IARS2: variants seen among roughly 807,000 people sequenced by gnomAD.
IARS2 encodes isoleucyl-tRNA synthetase 2, mitochondrial, also known as isoleucine--tRNA ligase, mitochondrial.
IARS2 carries 56 observed loss-of-function variants against 126.3 expected under a neutral mutation model. The observed-to-expected ratio is 0.44, with a 90% CI of 0.36 to 0.55. The LOEUF (loss-of-function observed/expected upper bound fraction) is 0.55. IARS2 is among the 20% of genes least tolerant of loss of function. The pLI, the probability that IARS2 is intolerant of heterozygous loss-of-function variation, is 0.00. For missense variants in IARS2, 1,127 were observed against 1,245.9 expected (o/e 0.90, Z 1.44); for synonymous variants, 407 against 441.1 (o/e 0.92, Z 0.97).
chr1:220,103,190 A>G (rs971973217), intron 7 of IARS2, among the ~76,000 whole-genome samples: 18 of 152,112 alleles, frequency 1.2e-4, no homozygotes, highest in African/African-American at 4.3e-4. Flanking sequence ...ATGGGATTAC[A>G]GGCATGCGCC....
intron 10 of IARS2, among the ~76,000 whole-genome samples, chr1:220,109,399 CA>C (rs1181239421): frequency 0.19 from 21,156 of 113,094 alleles, 1,734 homozygotes; most frequent in Admixed American, 0.28. Flanking sequence ...GAGTCCATCT[CA>C]AAAAAAAAAA....
rs1184799314 is a variant in IARS2, at chr1:220,099,211, CA to C, written c.391-1259del. Among the ~76,000 whole-genome samples the C allele has an allele frequency of 9.3e-3, 456 of 49,254 alleles. 2 individuals are homozygous for C. The highest frequency in any genetic ancestry group is 0.07 in the East Asian group (138 of 1,970). 32.3% of individuals were successfully genotyped at this position (49,254 alleles called of 152,430 possible). A position where few individuals can be genotyped will look rare whatever the true frequency, so the allele number is the denominator to read the frequency against. ...TGGGCGACAGAGCGAGACTCCGTCT[CA>C]AAAAAAAAAAAAAAAAAAAGAAATA... On this transcript the variant is annotated intron_variant, in intron 2 of 22. Coordinates refer to ENST00000366922, the MANE Select transcript of IARS2 (RefSeq NM_018060.4).
intron 11 of IARS2, among the ~76,000 whole-genome samples, chr1:220,112,026 AGAATAG>A (rs1179420568): frequency 6.6e-6 from 1 of 151,850 alleles, no homozygotes; most frequent in Non-Finnish European, 1.5e-5. Flanking sequence ...AGAAGTAGTG[AGAATAG>A]GATAATGTAT....
chr1:220,122,181 T>C (rs748196152), intron 12 of IARS2, among the ~76,000 whole-genome samples: 8 of 152,224 alleles, frequency 5.3e-5, no homozygotes, highest in Non-Finnish European at 7.3e-5. Context: ...TAGGACTTTT[T>C]CTTTTAAGAA....
In IARS2 at chr1:220,110,865, C is replaced by T; in HGVS notation, c.1407C>T (p.Thr469=). 6.2e-7 allele frequency: 1 copy of T among 1,613,740 alleles called. No homozygotes were observed. The highest frequency in any genetic ancestry group is 8.5e-7 in the Non-Finnish European group (1 of 1,179,872). The change falls in exon 11 of 23, where the codon ACC becomes ACT. Residue 469 remains threonine, a synonymous_variant. Transcript: ENST00000366922. The part of the protein sequence containing the change: ...LVHSYPYDWR[T]KKPVVIRASK... The stretch of plus-strand genomic sequence containing the variant: ...ATAGCTATCCGTATGACTGGAGGAC[C>T]AAGAAACCTGTGGTTATTCGTGCCA...
intron 11 of IARS2, among the ~76,000 whole-genome samples, chr1:220,111,650 A>G (rs1442099363): frequency 1.3e-5 from 2 of 149,314 alleles, no homozygotes; most frequent in East Asian, 2.0e-4. Flanking sequence ...ACTTGATTCT[A>G]TTTAATGAAA....
intron 2 of IARS2, among the ~76,000 whole-genome samples, 177 bp from the exon 3 acceptor site, chr1:220,100,313 A>G (rs978824571): frequency 6.6e-6 from 1 of 152,186 alleles, no homozygotes; most frequent in Admixed American, 6.5e-5. Flanking sequence ...GAGTTAATTT[A>G]TACGTTTCCT....
At chr1:220,124,442 T>G (rs566327025) in intron 12 of IARS2, among the ~76,000 whole-genome samples, 3 of 152,310 alleles carry the variant, frequency 2.0e-5, no homozygotes, top group African/African-American at 7.2e-5. Flanking sequence ...ACTACAATGT[T>G]AAGTTTCACC....
chr1:220,121,942 A>AAAGC (rs1333742616), intron 12 of IARS2, among the ~76,000 whole-genome samples: 1 of 152,108 alleles, frequency 6.6e-6, no homozygotes, highest in African/African-American at 2.4e-5. Flanking sequence ...GGGGGGAAAG[A>AAAGC]AAGCAGGGCA....
intron 12 of IARS2, among the ~76,000 whole-genome samples, chr1:220,119,502 AT>A (rs932070069): frequency 1.3e-5 from 2 of 152,054 alleles, no homozygotes; most frequent in Non-Finnish European, 2.9e-5. Context: ...ATTTTCCTGC[AT>A]TTTTTTCTGA....
At chr1:220,115,348 G>C (rs551459670) in intron 12 of IARS2, among the ~76,000 whole-genome samples, 3 of 150,382 alleles carry the variant, frequency 2.0e-5, no homozygotes, top group African/African-American at 4.8e-5. Flanking sequence ...GTATCATGAG[G>C]TCAGGAGTTC....
rs34903707 is a variant in IARS2 at position 220,111,598 on chromosome 1, A to ATGTGTG, written c.1479+683_1479+688dup. Among the ~76,000 whole-genome samples the ATGTGTG allele has an allele frequency of 2.3e-3, 308 of 134,844 alleles. 1 individual carries two copies. The highest frequency in any genetic ancestry group is 7.4e-3 in the African/African-American group (268 of 36,444). 88.5% of individuals were successfully genotyped at this position (134,844 alleles called of 152,430 possible). Reference sequence around the variant, plus strand: ...TGGGTATATATATATATATATATATATGTGTGTGTGTGTGTGTGTGTGTGT... The same window carrying ATGTGTG: ...TGGGTATATATATATATATATATATATGTGTGTGTGTGTGTGTGTGTGTGTGTGTGT... On this transcript the variant is annotated intron_variant, in intron 11 of 22. Coordinates refer to ENST00000366922, the MANE Select transcript of IARS2 (RefSeq NM_018060.4).
chr1:220,143,090 G>A lies in IARS2; in HGVS notation c.2707G>A (p.Val903Ile). The A allele has an allele frequency of 6.2e-7, 1 of 1,614,078 alleles. No individual in the cohort carries two copies. The highest frequency in any genetic ancestry group is 8.5e-7 in the Non-Finnish European group (1 of 1,179,956). ...TGGCAAAAATGCAGCTGAGTACAAGGTTATCACTGTGATAGAACCTGGACT... is the reference window on the plus strand; with the variant it reads ...TGGCAAAAATGCAGCTGAGTACAAGATTATCACTGTGATAGAACCTGGACT... ...IPGKNAAEYKVITVIEPGLLF... is the reference protein window; with the variant it reads ...IPGKNAAEYKIITVIEPGLLF... Residue 903 changes from valine (V) to isoleucine (I), a missense_variant, in exon 21 of 23, where the codon GTT (valine) becomes ATT (isoleucine). Transcript: ENST00000366922.
At chr1:220,123,650 A>AT (rs971076201) in intron 12 of IARS2, among the ~76,000 whole-genome samples, 11 of 150,932 alleles carry the variant, frequency 7.3e-5, no homozygotes, top group Admixed American at 2.6e-4. Flanking sequence ...ATTTTTTTGT[A>AT]TTTTTTTTAG....
intron 8 of IARS2, 60 bp from the exon 9 acceptor site, chr1:220,105,831 C>T (rs2102820241): frequency 7.0e-7 from 1 of 1,421,820 alleles, no homozygotes; most frequent in South Asian, 1.2e-5. Context: ...TATTGCTAAG[C>T]TTAAGGAGAT....
At chr1:220,143,919 C>A (rs1657536065) in intron 21 of IARS2, 3 of 956,524 alleles carry the variant, frequency 3.1e-6, no homozygotes, top group Non-Finnish European at 4.8e-6. Flanking sequence ...AATTTTTTTT[C>A]CACGGGGCAT....
chr1:220,130,441 C>G (rs764070063), intron 14 of IARS2, among the ~76,000 whole-genome samples: 1 of 152,158 alleles, frequency 6.6e-6, no homozygotes, highest in Non-Finnish European at 1.5e-5. Context: ...TTGCCTAGAC[C>G]GATGTCCTGG....
intron 8 of IARS2, among the ~76,000 whole-genome samples, chr1:220,105,283 T>C (rs1656655418): frequency 6.6e-6 from 1 of 152,166 alleles, no homozygotes; most frequent in Admixed American, 6.5e-5. Context: ...GACTTCATTG[T>C]CAAGTTATAC....
intron 12 of IARS2, among the ~76,000 whole-genome samples, chr1:220,119,663 C>T (rs867208970): frequency 5.3e-5 from 8 of 152,086 alleles, no homozygotes; most frequent in South Asian, 2.1e-4. Flanking sequence ...GGAAATAGGA[C>T]TAATACCTCT....
Sources: allele counts gnomAD v4.1 joint callset (sites outside exome capture counted in the v4.1 genomes callset), GRCh38; gene constraint gnomAD v4.1.1; transcripts MANE v1.5; gene names NCBI Gene and HGNC (gene_info 2026-07-23, HGNC 2026-07-21).